Variants in ME3 observed in about 807,000 individuals in gnomAD.
ME3 encodes malic enzyme 3.
In ME3, 48 loss-of-function variants were observed where a neutral mutation model predicts 68.9. The observed-to-expected ratio is 0.70, with a 90% CI of 0.55 to 0.89. The LOEUF (loss-of-function observed/expected upper bound fraction) is 0.89, where lower values mean the gene tolerates loss of function less well. Ranked by LOEUF, ME3 falls within the 40% of genes least tolerant of loss-of-function variation. The probability of loss-of-function intolerance (pLI) is 0.00; values close to 1 mark genes in which losing one functional copy is unlikely to be tolerated. For synonymous variants in ME3, 320 were observed against 318.8 expected (o/e 1.00, Z -0.04); for missense variants, 675 against 797.4 (o/e 0.85, Z 1.85).
intron 2 of ME3, among the ~76,000 whole-genome samples, chr11:86,653,119 G>T (rs1430470989): frequency 6.6e-6 from 1 of 152,020 alleles, no homozygotes; most frequent in African/African-American, 2.4e-5. Flanking sequence ...CCTACAAAGA[G>T]ACTTAGACTC....
chr11:86,558,669 T>C (rs1450646028), intron 3 of ME3, among the ~76,000 whole-genome samples: 1 of 152,196 alleles, frequency 6.6e-6, no homozygotes, highest in Non-Finnish European at 1.5e-5. Flanking sequence ...TTGTTTGTTC[T>C]AAGAGGGGGA....
At chr11:86,645,149 C>A (rs539572210) in intron 2 of ME3, among the ~76,000 whole-genome samples, 2 of 152,180 alleles carry the variant, frequency 1.3e-5, no homozygotes, top group African/African-American at 4.8e-5. Flanking sequence ...TGGGCAGACA[C>A]CAAACTAGCT....
chr11:86,503,489 GC>G (rs1269149929), intron 5 of ME3, among the ~76,000 whole-genome samples: 3 of 152,210 alleles, frequency 2.0e-5, no homozygotes, highest in African/African-American at 7.2e-5. Flanking sequence ...CAGGTCCAGA[GC>G]CTCCTCAGGG....
At chr11:86,606,116 GAATAACAAC>G in intron 2 of ME3, among the ~76,000 whole-genome samples, 1 of 152,258 alleles carries the variant, frequency 6.6e-6, no homozygotes, top group South Asian at 2.1e-4. Context: ...GCTTACTTGA[GAATAACAAC>G]AATATCATGT....
intron 2 of ME3, among the ~76,000 whole-genome samples, chr11:86,594,407 C>T (rs1312884127): frequency 6.8e-6 from 1 of 146,112 alleles, no homozygotes; most frequent in Non-Finnish European, 1.5e-5. Context: ...AGTTGGTCTC[C>T]TAGCTGGGCA....
downstream of ME3, chr11:86,441,081 G>T (rs1282762398): frequency 2.4e-6 from 1 of 414,110 alleles, no homozygotes. Context: ...CTCAGAGGAG[G>T]GTTCAGAAAA....
chr11:86,666,541 T>C (rs981914150), intron 2 of ME3, among the ~76,000 whole-genome samples: 1 of 152,234 alleles, frequency 6.6e-6, no homozygotes, highest in Non-Finnish European at 1.5e-5. Context: ...CCAATACCAA[T>C]ACTTAGTAAT....
At chr11:86,463,193 C>G (rs1950313222) in intron 8 of ME3, among the ~76,000 whole-genome samples, 1 of 152,180 alleles carries the variant, frequency 6.6e-6, no homozygotes, top group Admixed American at 6.5e-5. Context: ...GATGTATACA[C>G]ATGTGGCTGT....
At chr11:86,670,861 T>C (rs989787341) in intron 2 of ME3, among the ~76,000 whole-genome samples, 4 of 152,200 alleles carry the variant, frequency 2.6e-5, no homozygotes, top group African/African-American at 4.8e-5. Context: ...AATAACCAAA[T>C]GAGATAGAAA....
At chr11:86,485,030 A>G (rs190423298) in intron 7 of ME3, among the ~76,000 whole-genome samples, 1 of 152,334 alleles carries the variant, frequency 6.6e-6, no homozygotes, top group Non-Finnish European at 1.5e-5. Flanking sequence ...CAAATAAGCC[A>G]TGCAACCTAT....
chr11:86,544,885 T>A (rs1231338598), intron 4 of ME3, among the ~76,000 whole-genome samples: 3 of 152,186 alleles, frequency 2.0e-5, no homozygotes, highest in African/African-American at 7.2e-5. Context: ...ATATCCCTGA[T>A]GAACATCAAT....
chr11:86,542,609 A>T (rs1191093382), intron 4 of ME3, among the ~76,000 whole-genome samples: 1 of 152,222 alleles, frequency 6.6e-6, no homozygotes, highest in Non-Finnish European at 1.5e-5. Context: ...TAGAGAAAAA[A>T]TAATGAAAAG....
At chr11:86,655,479 G>C (rs369451228) in intron 2 of ME3, among the ~76,000 whole-genome samples, 6 of 152,018 alleles carry the variant, frequency 3.9e-5, no homozygotes, top group East Asian at 1.9e-4. Context: ...ACAAACCTGA[G>C]AAAAACAAGC....
chr11:86,442,760 C>A, intron 14 of ME3, 61 bp downstream of exon 14: 2 of 1,408,712 alleles, frequency 1.4e-6, no homozygotes, highest in South Asian at 1.2e-5. Context: ...CTCCTAAAGT[C>A]ACAGACAGAG....
intron 2 of ME3, among the ~76,000 whole-genome samples, chr11:86,622,467 G>A (rs777696571): frequency 6.6e-6 from 1 of 151,930 alleles, no homozygotes; most frequent in Non-Finnish European, 1.5e-5. Context: ...AGAACAGGTG[G>A]CTTTCTGGTA....
At chr11:86,508,686 T>C in intron 5 of ME3, 106 bp downstream of exon 5, 2 of 1,014,196 alleles carry the variant, frequency 2.0e-6, no homozygotes, top group South Asian at 2.9e-5. Context: ...GGTAGTATGC[T>C]GCCTTCAGTG....
chr11:86,621,204 T>C (rs1315524307), intron 2 of ME3, among the ~76,000 whole-genome samples: 1 of 152,236 alleles, frequency 6.6e-6, no homozygotes, highest in African/African-American at 2.4e-5. Context: ...TTGAAATATT[T>C]ATTTCCTATC....
intron 2 of ME3, among the ~76,000 whole-genome samples, chr11:86,625,138 G>A (rs1943580508): frequency 6.6e-6 from 1 of 151,956 alleles, no homozygotes; most frequent in Admixed American, 6.6e-5. Flanking sequence ...TACTTAAACA[G>A]TATATAGAAT....
intron 7 of ME3, among the ~76,000 whole-genome samples, chr11:86,475,862 T>TAG (rs1341982079): frequency 3.4e-5 from 4 of 115,956 alleles, no homozygotes; most frequent in Admixed American, 1.7e-4. Context: ...TATATATATA[T>TAG]ATATATATAT....
Sources: allele counts gnomAD v4.1 joint callset (sites outside exome capture counted in the v4.1 genomes callset), GRCh38; gene constraint gnomAD v4.1.1; transcripts MANE v1.5; gene names NCBI Gene and HGNC (gene_info 2026-07-23, HGNC 2026-07-21).